The following MAGEB17 variants were observed in gnomAD, a reference collection of about 807,000 sequenced individuals.
MAGEB17 encodes the protein MAGE family member B17, also known as melanoma-associated antigen B17.
For synonymous variants in MAGEB17, 110 were observed against 112.4 expected (o/e 0.98, Z 0.13); for missense variants, 251 against 281.4 (o/e 0.89, Z 0.77).
In MAGEB17 at chrX:16,170,413, G is replaced by A. The variant is rs1297215131; in HGVS notation, c.31G>A (p.Ala11Thr). The A allele has an allele frequency of 2.6e-6, 3 of 1,164,678 alleles. No homozygotes were observed. The highest frequency in any genetic ancestry group is 3.4e-6 in the Non-Finnish European group (3 of 872,223). ...TCGCGGTCAGGCGAGTAAGCGCCGT[G>A]CCCGTGAGAAACGCCGCCAGGCTCG... MPRGQASKRRAREKRRQARGE... is the reference protein window; with the variant it reads MPRGQASKRRTREKRRQARGE... The change falls in exon 2 of 2, where the codon GCC becomes ACC. Residue 11 changes from alanine (A) to threonine (T), a missense_variant. Coordinates refer to ENST00000400004, the MANE Select transcript of MAGEB17 (RefSeq NM_001277307.2).
At chrX:16,168,611 G>T (rs1029545459) in intron 1 of MAGEB17, 7 of 112,518 alleles carry the variant, frequency 6.2e-5, no homozygotes, top group Admixed American at 9.3e-5. Flanking sequence ...GAGCAGTGGG[G>T]TCCCCTATAG....
chrX:16,168,442 G>T (rs1922987821), intron 1 of MAGEB17, among the ~76,000 whole-genome samples: 1 of 112,370 alleles, frequency 8.9e-6, no homozygotes, highest in African/African-American at 3.2e-5. Context: ...CCCCGTGCAG[G>T]CATAGCCAGA....
At position 16,171,383 on chromosome X, in the gene MAGEB17, T is replaced by C. The variant is rs1306822939; in HGVS notation, c.1001T>C (p.Phe334Ser). ...GCCAGGGCCAGGGCTAGCAGGTCCT[T>C]TCAGCCCTAGTGAAGTCTCAGGCAA... Reference protein sequence around the residue: ...DSARARASRSFQP With the variant: ...DSARARASRSSQP The change falls in exon 2 of 2, where the codon TTT becomes TCT. Residue 334 changes from phenylalanine (F) to serine (S), a missense_variant. Transcript: ENST00000400004. The C allele has an allele frequency of 1.8e-6, 2 of 1,105,734 alleles. No homozygotes were observed. Among genetic ancestry groups the C allele is most frequent in the Admixed American group, 7.1e-5 (2 of 28,199 alleles). The allele number at this position is 1,105,734 out of a possible 1,213,427, so 91.1% of individuals were successfully genotyped here.
rs1216389902 is a variant in MAGEB17 at position 16,170,462 on chromosome X, G to T, written c.80G>T (p.Gly27Val). The change falls in exon 2 of 2, where the codon GGT becomes GTT. Residue 27 changes from glycine to valine, a missense_variant. Transcript: ENST00000400004. Reference sequence around the variant, plus strand: ...CGAGGTGAAGACCAATGTCTCGGGGGTGCTCAAGCCACCGCAGCAGAGAAG... The same window carrying T: ...CGAGGTGAAGACCAATGTCTCGGGGTTGCTCAAGCCACCGCAGCAGAGAAG... Reference protein sequence around the residue: ...QARGEDQCLGGAQATAAEKEK... With the variant: ...QARGEDQCLGVAQATAAEKEK... 1 of 1,167,299 alleles carries T rather than the reference G, an allele frequency of 8.6e-7. No individual in the cohort carries two copies. The highest frequency in any genetic ancestry group is 1.1e-6 in the Non-Finnish European group (1 of 873,121).
rs1373431375 is a variant in MAGEB17 at position 16,170,390 on chromosome X, G to A, written c.8G>A (p.Arg3His). MP[R>H]GQASKRRARE... ...CCCCTAAGCACAGTCATCATGCCTC[G>A]CGGTCAGGCGAGTAAGCGCCGTGCC... Residue 3 changes from arginine (R) to histidine (H), a missense_variant, in exon 2 of 2, where the codon CGC (arginine) becomes CAC (histidine). Transcript: ENST00000400004. 8 of 1,159,254 alleles carry A rather than the reference G, an allele frequency of 6.9e-6. No homozygotes were observed. The highest frequency in any genetic ancestry group is 6.5e-5 in the East Asian group (2 of 30,691).
chrX:16,167,488 T>C lies in MAGEB17; in HGVS notation c.-345T>C, dbSNP rs1484770890. 1 of 112,117 alleles carries C rather than the reference T, an allele frequency of 8.9e-6. No individual in the cohort carries two copies. The highest frequency in any genetic ancestry group is 3.2e-5 in the African/African-American group (1 of 30,806). 9.2% of individuals were successfully genotyped at this position (112,117 alleles called of 1,213,427 possible). A position where few individuals can be genotyped will look rare whatever the true frequency, so the allele number is the denominator to read the frequency against. On this transcript the variant is annotated 5_prime_UTR_variant, in exon 1 of 2. An upstream open reading frame in the 5' UTR loses its in-frame stop. Coordinates refer to ENST00000400004, the MANE Select transcript of MAGEB17 (RefSeq NM_001277307.2). ...CCCCTTTTTTTCTGCTTAGATGCTCTAACGAGGGTAGTGACTCTGTCTAAA... is the reference window on the plus strand; with the variant it reads ...CCCCTTTTTTTCTGCTTAGATGCTCCAACGAGGGTAGTGACTCTGTCTAAA...
rs757761723 is a variant in MAGEB17 at position 16,170,475 on chromosome X, C to T, written c.93C>T (p.Thr31=). 83 of 1,165,483 alleles carry T rather than the reference C, an allele frequency of 7.1e-5. No individual in the cohort carries two copies. The East Asian group carries it at 2.3e-3, about 33-fold the overall frequency. Residue 31 remains threonine (T), a synonymous_variant, in exon 2 of 2, where the codon ACC becomes ACT. Coordinates refer to ENST00000400004, the MANE Select transcript of MAGEB17 (RefSeq NM_001277307.2). ...EDQCLGGAQA[T]AAEKEKLPSS... Reference sequence around the variant, plus strand: ...AATGTCTCGGGGGTGCTCAAGCCACCGCAGCAGAGAAGGAAAAGCTGCCAT... The same window carrying T: ...AATGTCTCGGGGGTGCTCAAGCCACTGCAGCAGAGAAGGAAAAGCTGCCAT...
Position 16,170,543 on chromosome X carries a change from C to T in MAGEB17, c.161C>T (p.Pro54Leu). 1.7e-6 allele frequency: 2 copies of T among 1,167,324 alleles called. No homozygotes were observed. The highest frequency in any genetic ancestry group is 2.3e-6 in the Non-Finnish European group (2 of 873,105). Reference protein sequence around the residue: ...PACQSPPQSFPNAGIPQESQR... With the variant: ...PACQSPPQSFLNAGIPQESQR... ...TGCCAGAGTCCTCCCCAGAGCTTCC[C>T]CAATGCAGGCATTCCTCAGGAGTCC... The change falls in exon 2 of 2, where the codon CCC becomes CTC. Residue 54 changes from proline to leucine, a missense_variant. Physicochemically the swap from Pro to Leu is moderately conservative, Grantham distance 98. Transcript: ENST00000400004.
At position 16,171,063 on chromosome X, in the gene MAGEB17, A is replaced by G. The variant is rs1315077586; in HGVS notation, c.681A>G (p.Ala227=). 1.7e-6 allele frequency: 2 copies of G among 1,179,399 alleles called. No individual in the cohort carries two copies. The highest frequency in any genetic ancestry group is 2.5e-5 in the Admixed American group (1 of 40,216). The change falls in exon 2 of 2, where the codon GCA becomes GCG. Residue 227 remains alanine, a synonymous_variant. Coordinates refer to ENST00000400004, the MANE Select transcript of MAGEB17 (RefSeq NM_001277307.2). ...AAGAGATGTGGGAATGCCTGAATGC[A>G]TTGGGGATGTATAAGGGTAGGAAGC... is the stretch of plus-strand genomic sequence containing the variant. The part of the protein sequence containing the change: ...TEEEMWECLN[A]LGMYKGRKHF...
rs774542651 is a variant in MAGEB17, at chrX:16,170,961, C to T, written c.579C>T (p.Gly193=). 22 of 1,165,945 alleles carry T rather than the reference C, an allele frequency of 1.9e-5. No homozygotes were observed. Among genetic ancestry groups the T allele is most frequent in the Middle Eastern group, 4.6e-4 (2 of 4,307 alleles). Residue 193 remains glycine (G), a synonymous_variant, in exon 2 of 2, where the codon GGC becomes GGT. Coordinates refer to ENST00000400004, the MANE Select transcript of MAGEB17 (RefSeq NM_001277307.2). ...DFPNQGSLSD[G]GGFPLSGLLM... is the part of the protein sequence containing the mutation. The stretch of plus-strand genomic sequence containing the variant: ...CCAATCAAGGAAGCTTGAGCGATGG[C>T]GGGGGCTTTCCCCTGAGCGGGCTCC...
In MAGEB17 at chrX:16,170,400, G is replaced by T; in HGVS notation, c.18G>T (p.Ala6=). ...CAGTCATCATGCCTCGCGGTCAGGCGAGTAAGCGCCGTGCCCGTGAGAAAC... is the reference window on the plus strand; with the variant it reads ...CAGTCATCATGCCTCGCGGTCAGGCTAGTAAGCGCCGTGCCCGTGAGAAAC... The part of the protein sequence containing the change: MPRGQ[A]SKRRAREKRR... The change falls in exon 2 of 2, where the codon GCG becomes GCT. Residue 6 remains alanine, a synonymous_variant. Coordinates refer to ENST00000400004, the MANE Select transcript of MAGEB17 (RefSeq NM_001277307.2). 1 of 1,163,721 alleles carries T rather than the reference G, an allele frequency of 8.6e-7. No homozygotes were observed.
At chrX:16,168,297 G>C (rs1922983202) in intron 1 of MAGEB17, among the ~76,000 whole-genome samples, 1 of 110,440 alleles carries the variant, frequency 9.1e-6, no homozygotes, top group African/African-American at 3.3e-5. Flanking sequence ...AGTGAGCCAT[G>C]GTCACGCCAT....
Position 16,167,669 on chromosome X carries a change from T to C in MAGEB17, c.-164T>C, listed in dbSNP as rs1334587376. The C allele has an allele frequency of 1.8e-5, 2 of 111,313 alleles. No homozygotes were observed. The highest frequency in any genetic ancestry group is 1.9e-5 in the Non-Finnish European group (1 of 52,962). The allele number at this position is 111,313 out of a possible 1,213,427, so 9.2% of individuals were successfully genotyped here. A position where few individuals can be genotyped will look rare whatever the true frequency, so the allele number is the denominator to read the frequency against. On this transcript the variant is annotated 5_prime_UTR_variant, in exon 1 of 2. Transcript: ENST00000400004. ...CCTGGGAGACCCAGCAGGGACTTGA[T>C]TGGATGTGGCTCACTCCGACATCCG...
intron 1 of MAGEB17, among the ~76,000 whole-genome samples, chrX:16,168,012 C>G (rs1477150598): frequency 1.8e-5 from 2 of 111,443 alleles, no homozygotes; most frequent in African/African-American, 6.5e-5. Flanking sequence ...GAAATGAGGT[C>G]CCTGATGCTG....
intron 1 of MAGEB17, chrX:16,168,560 T>G (rs1922991221): frequency 9.0e-6 from 1 of 110,730 alleles, no homozygotes; most frequent in African/African-American, 3.3e-5. Flanking sequence ...TCCCAAAGAG[T>G]TGGAGGTCCC....
intron 1 of MAGEB17, among the ~76,000 whole-genome samples, chrX:16,169,631 G>A (rs1233333500): frequency 8.9e-6 from 1 of 111,743 alleles, no homozygotes; most frequent in Non-Finnish European, 1.9e-5. Context: ...GGATCCGGGG[G>A]CACCACAAAG....
At chrX:16,169,817 G>A (rs1923018021) in intron 1 of MAGEB17, among the ~76,000 whole-genome samples, 1 of 111,319 alleles carries the variant, frequency 9.0e-6, no homozygotes, top group African/African-American at 3.3e-5. Context: ...CAGGGCCACC[G>A]AACCCAGAAC....
intron 1 of MAGEB17, among the ~76,000 whole-genome samples, chrX:16,169,444 G>A (rs1006822540): frequency 2.5e-4 from 28 of 112,354 alleles, no homozygotes; most frequent in African/African-American, 8.7e-4. Context: ...TCCCAGTCTT[G>A]GGACATGATG....
At chrX:16,170,184 TC>T in intron 1 of MAGEB17, 149 bp from the exon 2 acceptor site, 1 of 805,052 alleles carries the variant, frequency 1.2e-6, no homozygotes, top group Non-Finnish European at 1.7e-6. Context: ...TGTAACTTCC[TC>T]CCCAGGGTCC....
Sources: allele counts gnomAD v4.1 joint callset (sites outside exome capture counted in the v4.1 genomes callset), GRCh38; gene constraint gnomAD v4.1.1; transcripts MANE v1.5; gene names NCBI Gene and HGNC (gene_info 2026-07-23, HGNC 2026-07-21).